The following NLRP2 variants were observed in gnomAD, a reference collection of about 807,000 sequenced individuals.
The protein encoded by NLRP2 is NLR family pyrin domain containing 2.
NLRP2 carries 107 observed loss-of-function variants against 97.2 expected under a neutral mutation model. The observed-to-expected ratio is 1.10, with a 90% confidence interval of 0.94 to 1.29. The LOEUF (loss-of-function observed/expected upper bound fraction) is 1.29. Among genes scored for constraint, NLRP2 ranks in the 50% most tolerant of loss-of-function variants. The probability of loss-of-function intolerance (pLI) is 0.00; values close to 1 mark genes in which losing one functional copy is unlikely to be tolerated. For synonymous variants in NLRP2, 663 were observed against 551.5 expected, an observed-to-expected ratio of 1.20 and a Z score of -2.83; for missense variants, 1,495 against 1,330.3, an observed-to-expected ratio of 1.12 and a Z score of -1.93.
At position 54,983,498 on chromosome 19, in the gene NLRP2, A is replaced by G. The variant is rs770692118; in HGVS notation, c.1800A>G (p.Thr600=). 5 of 1,614,088 alleles carry G rather than the reference A, an allele frequency of 3.1e-6. 1 individual carries two copies. In the South Asian group the frequency reaches 4.4e-5, roughly 14 times the overall value. ...GTAAGGGTGGACATTCAACGGTGAC[A>G]GACCTGCAGGAGCTCCTCGGCTGTC... is the stretch of plus-strand genomic sequence containing the variant. ...ISCKGGHSTV[T]DLQELLGCLY... is the part of the protein sequence containing the mutation. The change falls in exon 6 of 13, where the codon ACA becomes ACG. Residue 600 remains threonine (T), a synonymous_variant. Coordinates refer to ENST00000448584, the MANE Select transcript of NLRP2 (RefSeq NM_017852.5).
chr19:54,972,177 C>T (rs1217020270), intron 2 of NLRP2, among the ~76,000 whole-genome samples: 4 of 149,958 alleles, frequency 2.7e-5, no homozygotes, highest in African/African-American at 9.8e-5. Context: ...CTTTCTACCC[C>T]ATAACTTTTT....
At chr19:54,998,637 T>A (rs1408068548) in intron 12 of NLRP2, among the ~76,000 whole-genome samples, 10,589 of 125,330 alleles carry the variant, frequency 0.084, 572 homozygotes, top group Middle Eastern at 0.21. Context: ...TTTCCTTTTT[T>A]TTTTTTTTTT....
intron 12 of NLRP2, among the ~76,000 whole-genome samples, chr19:54,999,961 T>C (rs765659324): frequency 2.9e-4 from 44 of 152,000 alleles, no homozygotes; most frequent in Non-Finnish European, 5.6e-4. Flanking sequence ...GGTCTCAAAC[T>C]CCTGACCTCA....
chr19:54,990,670 G>T lies in NLRP2; in HGVS notation c.2706G>T (p.Leu902Phe). The T allele has an allele frequency of 6.2e-7, 1 of 1,614,144 alleles. No homozygotes were observed. Among genetic ancestry groups the T allele is most frequent in the Non-Finnish European group, 8.5e-7 (1 of 1,180,034 alleles). The change falls in exon 10 of 13, where the codon TTG (leucine) becomes TTT (phenylalanine). Residue 902 changes from leucine (L) to phenylalanine (F), a missense_variant and splice_region_variant. Leu to Phe is a conservative substitution (Grantham distance 22, BLOSUM62 0). Coordinates refer to ENST00000448584, the MANE Select transcript of NLRP2 (RefSeq NM_017852.5). The stretch of plus-strand genomic sequence containing the variant: ...ACCCCGAGTGTAAACTGCAGACCTT[G>T]GTGTAAGTCCGTGCTGGCTGCCTGT... ...LRYPECKLQT[L>F]VLWNCDITSD...
At chr19:54,984,485 C>CATTTTTTTTTTTTTTTTTTTTTTTTT in intron 6 of NLRP2, among the ~76,000 whole-genome samples, 1 of 76,924 alleles carries the variant, frequency 1.3e-5, no homozygotes, top group Non-Finnish European at 2.3e-5. Flanking sequence ...TATTCCCAAT[C>CATTTTTTTTTTTTTTTTTTTTTTTTT]TTTTTTTTTT....
At position 54,975,784 on chromosome 19, in the gene NLRP2, T is replaced by C. The variant is rs534956051; in HGVS notation, c.325+1240T>C. Among the ~76,000 whole-genome samples the C allele has an allele frequency of 2.0e-5, 3 of 152,012 alleles. No individual in the cohort carries two copies. The East Asian group carries it at 5.8e-4, about 30-fold the overall frequency. On this transcript the variant is annotated intron_variant, in intron 3 of 12. Transcript: ENST00000448584. ...ATTGTGTTTTGAGATGGGGTCTTGC[T>C]GTGTTGCTCCGGCTTGATTGCAGTG...
Position 54,997,354 on chromosome 19 carries a change from G to C in NLRP2, c.2917G>C (p.Asp973His). ...TTCCATCCCTCCGTTCAGTTGTGAA[G>C]ACCTCTGCTCTGCCCTCAGCTGCAA... is the stretch of plus-strand genomic sequence containing the variant. The part of the protein sequence containing the change: ...GCSIPPFSCE[D>H]LCSALSCNQS... Residue 973 changes from aspartate to histidine, a missense_variant, in exon 12 of 13, where the codon GAC becomes CAC. Asp to His is a moderately conservative substitution (Grantham distance 81, BLOSUM62 -1). Coordinates refer to ENST00000448584, the MANE Select transcript of NLRP2 (RefSeq NM_017852.5). The C allele has an allele frequency of 6.2e-7, 1 of 1,614,074 alleles. No homozygotes were observed. Among genetic ancestry groups the C allele is most frequent in the Non-Finnish European group, 8.5e-7 (1 of 1,180,034 alleles).
intron 8 of NLRP2, chr19:54,989,779 T>C: frequency 1.7e-6 from 1 of 573,944 alleles, no homozygotes; most frequent in Admixed American, 3.0e-5. Context: ...AGATTGGGAG[T>C]TTGAGACCAG....
chr19:54,992,268 T>C (rs2072524275), intron 10 of NLRP2, among the ~76,000 whole-genome samples: 1 of 151,986 alleles, frequency 6.6e-6, no homozygotes, highest in Non-Finnish European at 1.5e-5. Flanking sequence ...TTAGGAACTG[T>C]CCTCTTCCTA....
At chr19:54,969,733 C>T (rs1217985670) in intron 1 of NLRP2, among the ~76,000 whole-genome samples, 1 of 152,152 alleles carries the variant, frequency 6.6e-6, no homozygotes, top group Non-Finnish European at 1.5e-5. Flanking sequence ...AATCAAGGCT[C>T]ACTGCAGTTT....
At chr19:54,981,509 G>GCCCCCCA in intron 4 of NLRP2, 108 bp from the exon 5 acceptor site, 1 of 386,504 alleles carries the variant, frequency 2.6e-6, no homozygotes, top group Non-Finnish European at 5.3e-6. Context: ...CTGATCCCGT[G>GCCCCCCA]CCCCCCCTCC....
rs1201724995 is a variant in NLRP2, at chr19:54,997,353, A to G, written c.2916A>G (p.Glu972=). ...GTTCCATCCCTCCGTTCAGTTGTGA[A>G]GACCTCTGCTCTGCCCTCAGCTGCA... ...WGCSIPPFSC[E]DLCSALSCNQ... Residue 972 remains glutamate (E), a synonymous_variant, in exon 12 of 13, where the codon GAA becomes GAG. Coordinates refer to ENST00000448584, the MANE Select transcript of NLRP2 (RefSeq NM_017852.5). 1.2e-6 allele frequency: 2 copies of G among 1,614,030 alleles called. No homozygotes were observed. Among genetic ancestry groups the G allele is most frequent in the Non-Finnish European group, 1.7e-6 (2 of 1,180,028 alleles).
At chr19:54,984,485 CTTTTTTTTTT>C (rs36061621) in intron 6 of NLRP2, among the ~76,000 whole-genome samples, 1 of 76,914 alleles carries the variant, frequency 1.3e-5, no homozygotes, top group Non-Finnish European at 2.3e-5. Flanking sequence ...TATTCCCAAT[CTTTTTTTTTT>C]TTTTTGAGAC....
At chr19:54,986,758 G>C (rs1427014422) in intron 8 of NLRP2, among the ~76,000 whole-genome samples, 3 of 152,118 alleles carry the variant, frequency 2.0e-5, no homozygotes, top group Non-Finnish European at 2.9e-5. Flanking sequence ...CACATTGCCA[G>C]GCTGGTCTCG....
At chr19:54,998,631 C>CTTTTTTT (rs1179005483) in intron 12 of NLRP2, among the ~76,000 whole-genome samples, 33 of 61,126 alleles carry the variant, frequency 5.4e-4, no homozygotes, top group Non-Finnish European at 6.4e-4. Context: ...TTTTTTTTTC[C>CTTTTTTT]TTTTTTTTTT....
At chr19:54,989,946 G>A in intron 8 of NLRP2, 76 bp from the exon 9 acceptor site, 2 of 1,536,848 alleles carry the variant, frequency 1.3e-6, no homozygotes, top group Non-Finnish European at 1.8e-6. Flanking sequence ...AGCCGAGATT[G>A]CGCCACCTGG....
intron 12 of NLRP2, among the ~76,000 whole-genome samples, chr19:54,999,149 C>G (rs982351272): frequency 6.6e-6 from 1 of 152,048 alleles, no homozygotes; most frequent in African/African-American, 2.4e-5. Context: ...GGGGCTGACC[C>G]CCCCACCTCC....
intron 9 of NLRP2, 95 bp from the exon 10 acceptor site, chr19:54,990,388 TAGAAGGTGGGGAGTTCACA>T (rs1426044675): frequency 3.4e-6 from 4 of 1,178,344 alleles, no homozygotes; most frequent in African/African-American, 3.0e-5. Flanking sequence ...CAGTGCATGA[TAGAAGGTGGGGAGTTCACA>T]AGAAGGGGCT....
Position 55,000,935 on chromosome 19 carries a change from A to AT in NLRP2, c.*41dup, listed in dbSNP as rs773981875. The AT allele has an allele frequency of 2.5e-6, 4 of 1,609,918 alleles. No individual in the cohort carries two copies. Among genetic ancestry groups the AT allele is most frequent in the East Asian group, 2.2e-5 (1 of 44,860 alleles). ...TCATTCATTCTCCATGAAGTCATCG[A>AT]TTTTCCAGGTGTTGGTGAACTGCCT... On this transcript the variant is annotated 3_prime_UTR_variant, in exon 13 of 13. Coordinates refer to ENST00000448584, the MANE Select transcript of NLRP2 (RefSeq NM_017852.5).
Sources: gnomAD v4.1 joint callset for allele counts (sites outside exome capture counted in the v4.1 genomes callset) on GRCh38, gnomAD v4.1.1 for gene constraint, MANE v1.5 for transcripts, NCBI Gene and HGNC (gene_info 2026-07-23, HGNC 2026-07-21) for gene names.